Variants in COG4 observed in about 807,000 individuals in gnomAD.
COG4 encodes conserved oligomeric Golgi complex subunit 4.
Under a neutral mutation model 95.1 loss-of-function variants are expected in COG4, and 65 were observed. That is an observed-to-expected ratio of 0.68 (90% CI 0.56 to 0.84). The LOEUF (loss-of-function observed/expected upper bound fraction) is 0.84, where lower values mean the gene tolerates loss of function less well. Among genes scored for constraint, COG4 ranks in the 40% least tolerant of loss-of-function variants. The pLI is 0.00. For synonymous variants in COG4, 421 were observed against 374.8 expected, an observed-to-expected ratio of 1.12 and a Z score of -1.42; for missense variants, 1,045 against 989.1, an observed-to-expected ratio of 1.06 and a Z score of -0.76.
chr16:70,499,330 T>C (rs536138294), intron 9 of COG4, among the ~76,000 whole-genome samples: 9 of 152,350 alleles, frequency 5.9e-5, no homozygotes, highest in African/African-American at 2.2e-4. Context: ...GTCATCATTA[T>C]TGCTTTTCAG....
At chr16:70,497,084 C>G in intron 11 of COG4, 137 bp downstream of exon 11, 1 of 882,018 alleles carries the variant, frequency 1.1e-6, no homozygotes, top group South Asian at 1.5e-5. Context: ...GCCAAGGATA[C>G]TATCTTAGGG....
chr16:70,481,975 G>C, intron 16 of COG4, 110 bp from the exon 17 acceptor site: 3 of 1,335,622 alleles, frequency 2.2e-6, no homozygotes, highest in Non-Finnish European at 3.2e-6. Context: ...AGTTTCTACA[G>C]GTGAGGGTTG....
intron 8 of COG4, among the ~76,000 whole-genome samples, chr16:70,501,807 C>T (rs2049457066): frequency 6.7e-6 from 1 of 150,260 alleles, no homozygotes; most frequent in Non-Finnish European, 1.5e-5. Context: ...GTGTGCCACC[C>T]CACCTGGCAG....
intron 8 of COG4, among the ~76,000 whole-genome samples, chr16:70,508,141 G>A (rs1038206438): frequency 3.3e-5 from 5 of 151,862 alleles, no homozygotes; most frequent in South Asian, 2.1e-4. Flanking sequence ...GGCTGGTCTC[G>A]AACTCCCGAC....
In COG4 at chr16:70,523,372, C is replaced by A. The variant is rs760431906; in HGVS notation, c.171+1G>T. On this transcript the variant is annotated splice_donor_variant, in intron 1 of 18. Coordinates refer to ENST00000323786, the MANE Select transcript of COG4 (RefSeq NM_015386.3). LOFTEE classifies it high-confidence loss of function. The stretch of plus-strand genomic sequence containing the variant: ...GAAAAAGAAGAGGCTCGACCCCGCA[C>A]CTCCTCGCCGCAGAGCCGTTCGTAT... The A allele has an allele frequency of 6.2e-7, 1 of 1,614,010 alleles. No homozygotes were observed. The highest frequency in any genetic ancestry group is 2.2e-5 in the East Asian group (1 of 44,900).
rs113894966 is a variant in COG4 at position 70,485,644 on chromosome 16, G to A, written c.1711-1675C>T. Among the ~76,000 whole-genome samples, 1,397 of 147,240 alleles carry A rather than the reference G, an allele frequency of 9.5e-3. 22 individuals carry two copies. The highest frequency in any genetic ancestry group is 0.015 in the Admixed American group (225 of 14,560). ...TGTGTCACCCAGGCTGGAGTGCAAC[G>A]ACATGATCTTGGCTGACTGCAACCT... is the stretch of plus-strand genomic sequence containing the variant. On this transcript the variant is annotated intron_variant, in intron 13 of 18. Coordinates refer to ENST00000323786, the MANE Select transcript of COG4 (RefSeq NM_015386.3).
chr16:70,504,231 T>C (rs1034542915), intron 8 of COG4, among the ~76,000 whole-genome samples: 8 of 152,120 alleles, frequency 5.3e-5, no homozygotes, highest in Admixed American at 1.3e-4. Context: ...CCCCCTGGGG[T>C]ATTTTAGCAT....
chr16:70,510,840 T>G (rs566436977), intron 5 of COG4, among the ~76,000 whole-genome samples: 1 of 151,912 alleles, frequency 6.6e-6, no homozygotes, highest in South Asian at 2.1e-4. Flanking sequence ...CTTGGCTCAC[T>G]GCAACCTCTG....
At chr16:70,515,158 T>A (rs573402606) in intron 3 of COG4, among the ~76,000 whole-genome samples, 1 of 151,972 alleles carries the variant, frequency 6.6e-6, no homozygotes, top group Non-Finnish European at 1.5e-5. Flanking sequence ...TGGGATTACA[T>A]GTGCACACAA....
intron 9 of COG4, among the ~76,000 whole-genome samples, chr16:70,500,027 G>A (rs764274798): frequency 4.6e-5 from 7 of 151,652 alleles, no homozygotes; most frequent in Non-Finnish European, 1.0e-4. Flanking sequence ...TAGAGATGGG[G>A]TTTCACTATG....
In COG4 at chr16:70,482,115, C is replaced by G; in HGVS notation, c.1981G>C (p.Glu661Gln). ...PWVQQFILNL[E>Q]QQMAEFKASL... ...ACCTTGAACTCTGCCATTTGCTGCT[C>G]CAGGTTAAGGATGAACTGTTGTACC... Residue 661 changes from glutamate to glutamine, a missense_variant, in exon 16 of 19, where the codon GAG becomes CAG. By Grantham distance (29) the Glu-to-Gln change is conservative (BLOSUM62 2). Transcript: ENST00000323786. 6.2e-7 allele frequency: 1 copy of G among 1,613,950 alleles called. No homozygotes were observed. Among genetic ancestry groups the G allele is most frequent in the Non-Finnish European group, 8.5e-7 (1 of 1,179,886 alleles).
chr16:70,485,653 T>G (rs985551742), intron 13 of COG4, among the ~76,000 whole-genome samples: 1 of 150,986 alleles, frequency 6.6e-6, no homozygotes, highest in Non-Finnish European at 1.5e-5. Flanking sequence ...CGACATGATC[T>G]TGGCTGACTG....
intron 11 of COG4, 139 bp from the exon 12 acceptor site, chr16:70,496,570 G>A (rs986626381): frequency 1.3e-6 from 1 of 770,852 alleles, no homozygotes; most frequent in Non-Finnish European, 2.2e-6. Flanking sequence ...ACCACTGTAG[G>A]AGACCTGAGG....
rs572218137 is a variant in COG4 at position 70,512,333 on chromosome 16, T to C, written c.644A>G (p.Asp215Gly). 8.7e-6 allele frequency: 14 copies of C among 1,614,106 alleles called. No homozygotes were observed. The Admixed American group carries it at 2.2e-4, about 25-fold the overall frequency. Residue 215 changes from aspartate (D) to glycine (G), a missense_variant, in exon 5 of 19, where the codon GAT (aspartate) becomes GGT (glycine). Asp to Gly is a moderately conservative substitution (Grantham distance 94). Coordinates refer to ENST00000323786, the MANE Select transcript of COG4 (RefSeq NM_015386.3). Reference sequence around the variant, plus strand: ...GAAGAAGCGCTCCACCTGGGGCAGATCACCTTCCTTGGTGGCAATGGCAAA... The same window carrying C: ...GAAGAAGCGCTCCACCTGGGGCAGACCACCTTCCTTGGTGGCAATGGCAAA... Reference protein sequence around the residue: ...EKFAIATKEGDLPQVERFFKI... With the variant: ...EKFAIATKEGGLPQVERFFKI...
intron 17 of COG4, 99 bp from the exon 18 acceptor site, chr16:70,481,586 A>G: frequency 3.8e-6 from 6 of 1,562,818 alleles, no homozygotes; most frequent in Non-Finnish European, 5.3e-6. Context: ...GCCAGGCCTC[A>G]GGTGGTGCCC....
intron 3 of COG4, among the ~76,000 whole-genome samples, chr16:70,516,385 C>T (rs568801877): frequency 6.6e-6 from 1 of 152,034 alleles, no homozygotes; most frequent in East Asian, 1.9e-4. Context: ...TAAGCTCTGC[C>T]TTCTGGGTTC....
At chr16:70,509,684 A>T (rs764567313) in intron 6 of COG4, among the ~76,000 whole-genome samples, 4 of 152,220 alleles carry the variant, frequency 2.6e-5, no homozygotes, top group Admixed American at 2.6e-4. Flanking sequence ...GGTTAAATTT[A>T]TTCGTACAGA....
Position 70,481,790 on chromosome 16 carries a change from C to T in COG4, c.2080G>A (p.Val694Met). ...CGGTTAAAGGTGGATTTCAGCACCA[C>T]TTTCTCCAACTCGACGGCAACAAGG... Reference protein sequence around the residue: ...TSLVAVELEKVVLKSTFNRLG... With the variant: ...TSLVAVELEKMVLKSTFNRLG... The change falls in exon 17 of 19, where the codon GTG (valine) becomes ATG (methionine). Residue 694 changes from valine (V) to methionine (M), a missense_variant. Coordinates refer to ENST00000323786, the MANE Select transcript of COG4 (RefSeq NM_015386.3). 1.9e-6 allele frequency: 3 copies of T among 1,614,108 alleles called. No individual in the cohort carries two copies. The highest frequency in any genetic ancestry group is 2.5e-6 in the Non-Finnish European group (3 of 1,180,018).
At position 70,512,346 on chromosome 16, in the gene COG4, T is replaced by C. The variant is rs774891367; in HGVS notation, c.631A>G (p.Thr211Ala). 1.2e-6 allele frequency: 2 copies of C among 1,614,134 alleles called. No homozygotes were observed. Among genetic ancestry groups the C allele is most frequent in the South Asian group, 2.2e-5 (2 of 91,086 alleles). The change falls in exon 5 of 19, where the codon ACC becomes GCC. Residue 211 changes from threonine (T) to alanine (A), a missense_variant. Thr to Ala is a moderately conservative substitution (Grantham distance 58). Coordinates refer to ENST00000323786, the MANE Select transcript of COG4 (RefSeq NM_015386.3). ...ACCTGGGGCAGATCACCTTCCTTGG[T>C]GGCAATGGCAAACTTCTCTGCCACA... ...AIVAEKFAIA[T>A]KEGDLPQVER...
Sources: gnomAD v4.1 joint callset for allele counts (sites outside exome capture counted in the v4.1 genomes callset) on GRCh38, gnomAD v4.1.1 for gene constraint, MANE v1.5 for transcripts, NCBI Gene and HGNC (gene_info 2026-07-23, HGNC 2026-07-21) for gene names.